Variants in SMAP1 observed in about 807,000 individuals in gnomAD.
SMAP1 encodes stromal membrane-associated protein 1.
A neutral mutation model predicts 58.5 loss-of-function variants in SMAP1; 24 were observed. That is an observed-to-expected ratio of 0.41 (90% CI 0.30 to 0.58). The LOEUF is 0.58. Ranked by LOEUF, SMAP1 falls within the 20% of genes least tolerant of loss-of-function variation. The pLI is 0.29. For synonymous variants in SMAP1, 216 were observed against 196.6 expected, an observed-to-expected ratio of 1.10 and a Z score of -0.82; for missense variants, 563 against 566.3, an observed-to-expected ratio of 0.99 and a Z score of 0.06.
At chr6:70,686,178 G>GTT (rs200333352) in intron 1 of SMAP1, among the ~76,000 whole-genome samples, 4 of 151,920 alleles carry the variant, frequency 2.6e-5, no homozygotes, top group Non-Finnish European at 4.4e-5. Flanking sequence ...CTCAGAGTCT[G>GTT]TTTTTTTTAC....
In SMAP1 at chr6:70,763,829, C is replaced by G. The variant is rs76778700; in HGVS notation, c.338+8764C>G. 2.9e-3 allele frequency among the ~76,000 whole-genome samples: 440 copies of G among 152,308 alleles called. 2 individuals carry two copies. Among genetic ancestry groups the G allele is most frequent in the African/African-American group, 0.01 (426 of 41,570 alleles). ...CCTAATCCTTAACAAAGCTTTAACTCTTCAGTTCTGTGAAGGCTGAGAGTG... is the reference window on the plus strand; with the variant it reads ...CCTAATCCTTAACAAAGCTTTAACTGTTCAGTTCTGTGAAGGCTGAGAGTG... On this transcript the variant is annotated intron_variant, in intron 3 of 10. Transcript: ENST00000370455.
intron 6 of SMAP1, among the ~76,000 whole-genome samples, chr6:70,833,962 G>A (rs1259125400): frequency 6.6e-6 from 1 of 152,180 alleles, no homozygotes; most frequent in Non-Finnish European, 1.5e-5. Flanking sequence ...TATGAAAATG[G>A]TTGATGACTA....
intron 3 of SMAP1, among the ~76,000 whole-genome samples, chr6:70,767,592 T>C (rs569823799): frequency 9.8e-4 from 148 of 150,956 alleles, no homozygotes; most frequent in African/African-American, 3.5e-3. Context: ...TTTTTGTACA[T>C]TGATTTTGTA....
At position 70,852,673 on chromosome 6, in the gene SMAP1, T is replaced by G; in HGVS notation, c.789+9T>G. On this transcript the variant is annotated intron_variant, in intron 8 of 10. Transcript: ENST00000370455. Reference sequence around the variant, plus strand: ...TCATGCCCCCAGCTCAGGTATGTGATAAGAATATGGTTTTATATGGTCACT... The same window carrying G: ...TCATGCCCCCAGCTCAGGTATGTGAGAAGAATATGGTTTTATATGGTCACT... 2 of 1,583,162 alleles carry G rather than the reference T, an allele frequency of 1.3e-6. No homozygotes were observed. The highest frequency in any genetic ancestry group is 8.6e-7 in the Non-Finnish European group (1 of 1,167,760).
intron 5 of SMAP1, 86 bp downstream of exon 5, chr6:70,791,855 T>A: frequency 9.2e-7 from 1 of 1,081,118 alleles, no homozygotes; most frequent in Non-Finnish European, 1.3e-6. Context: ...GGGAACACTA[T>A]AATAGTTGTT....
chr6:70,755,014 T>A lies in SMAP1; in HGVS notation c.287T>A (p.Leu96Gln). The A allele has an allele frequency of 1.9e-6, 3 of 1,610,610 alleles. No homozygotes were observed. The highest frequency in any genetic ancestry group is 2.5e-6 in the Non-Finnish European group (3 of 1,177,554). ...GATATGGGAAATACTAAAGCAAGAC[T>A]ACTCTATGAAGCCAATCTTCCAGAG... ...MQDMGNTKAR[L>Q]LYEANLPENF... Residue 96 changes from leucine (L) to glutamine (Q), a missense_variant, in exon 3 of 11, where the codon CTA (leucine) becomes CAA (glutamine). Leu to Gln is a moderately radical substitution (Grantham distance 113). This residue lies in a region of SMAP1 where 494 missense variants were observed against 473.8 expected (regional missense o/e 1.04). Transcript: ENST00000370455.
At chr6:70,764,304 G>A (rs1361328746) in intron 3 of SMAP1, among the ~76,000 whole-genome samples, 1 of 152,130 alleles carries the variant, frequency 6.6e-6, no homozygotes, top group Non-Finnish European at 1.5e-5. Context: ...TAAGATAATT[G>A]ATGAAGGTGA....
In SMAP1 at chr6:70,694,943, A is replaced by G. The variant is rs146092310; in HGVS notation, c.118+26802A>G. 2.3e-4 allele frequency among the ~76,000 whole-genome samples: 35 copies of G among 152,226 alleles called. No individual in the cohort carries two copies. The East Asian group carries it at 6.8e-3, about 29-fold the overall frequency. On this transcript the variant is annotated intron_variant, in intron 1 of 10. Transcript: ENST00000370455. ...CTTTCAATCCATGAACATGGAATAT[A>G]TTTCCGTTTTTTTGTGCGTCTTTTT...
At chr6:70,709,612 G>A (rs1767972583) in intron 1 of SMAP1, among the ~76,000 whole-genome samples, 1 of 152,134 alleles carries the variant, frequency 6.6e-6, no homozygotes, top group South Asian at 2.1e-4. Context: ...GTGAGCCACT[G>A]CACCCATCCT....
chr6:70,710,916 A>G (rs1038955024), intron 1 of SMAP1, among the ~76,000 whole-genome samples: 1 of 152,050 alleles, frequency 6.6e-6, no homozygotes, highest in Non-Finnish European at 1.5e-5. Context: ...CACCCATATT[A>G]GCCTAGGACT....
At chr6:70,803,492 C>T (rs984388749) in intron 6 of SMAP1, among the ~76,000 whole-genome samples, 5 of 152,016 alleles carry the variant, frequency 3.3e-5, no homozygotes, top group African/African-American at 1.2e-4. Flanking sequence ...GTCTCTATTT[C>T]CTTCAGTTCT....
At position 70,860,954 on chromosome 6, in the gene SMAP1, CTT is replaced by C. The variant is rs766496843; in HGVS notation, c.*621_*622del. The C allele has an allele frequency of 2.8e-6, 1 of 356,352 alleles. No homozygotes were observed. Among genetic ancestry groups the C allele is most frequent in the Non-Finnish European group, 5.0e-6 (1 of 199,108 alleles). 22.1% of individuals were successfully genotyped at this position (356,352 alleles called of 1,614,324 possible). On this transcript the variant is annotated 3_prime_UTR_variant, in exon 11 of 11. Transcript: ENST00000370455. Reference sequence around the variant, plus strand: ...AAGAATTCAAATTTTATCTGCCTCTCTTGTAATTTGGATCTCTTCTTAATGTA... The same window carrying C: ...AAGAATTCAAATTTTATCTGCCTCTCGTAATTTGGATCTCTTCTTAATGTA...
chr6:70,742,642 C>T (rs1765864019), intron 2 of SMAP1, among the ~76,000 whole-genome samples: 1 of 152,202 alleles, frequency 6.6e-6, no homozygotes, highest in Non-Finnish European at 1.5e-5. Context: ...AAAGTCACTT[C>T]CACATTTTTG....
In SMAP1 at chr6:70,817,192, A is replaced by G. The variant is rs1769675124; in HGVS notation, c.576+18455A>G. On this transcript the variant is annotated intron_variant, in intron 6 of 10. Coordinates refer to ENST00000370455, the MANE Select transcript of SMAP1 (RefSeq NM_001044305.3). ...TAACTACTAACCCTGCTCAAGCCGCACATTATTATTCTACTGAATAGATAT... is the reference window on the plus strand; with the variant it reads ...TAACTACTAACCCTGCTCAAGCCGCGCATTATTATTCTACTGAATAGATAT... Among the ~76,000 whole-genome samples, 2 of 151,414 alleles carry G rather than the reference A, an allele frequency of 1.3e-5. 1 individual carries two copies. The highest frequency in any genetic ancestry group is 4.2e-4 in the South Asian group (2 of 4,810).
At chr6:70,788,960 T>C (rs954232411) in intron 4 of SMAP1, among the ~76,000 whole-genome samples, 1 of 152,162 alleles carries the variant, frequency 6.6e-6, no homozygotes, top group African/African-American at 2.4e-5. Context: ...AAGATGGATA[T>C]TGATGATTTC....
intron 5 of SMAP1, among the ~76,000 whole-genome samples, chr6:70,795,746 T>G (rs1473916439): frequency 2.0e-5 from 3 of 151,996 alleles, no homozygotes; most frequent in Non-Finnish European, 4.4e-5. Context: ...TTTTTCTTTT[T>G]TTTTTTTTGA....
intron 6 of SMAP1, among the ~76,000 whole-genome samples, chr6:70,824,607 G>A (rs1770035968): frequency 6.6e-6 from 1 of 151,958 alleles, no homozygotes; most frequent in Non-Finnish European, 1.5e-5. Context: ...GCAAACATAA[G>A]AGCATTTAAC....
chr6:70,708,750 A>G (rs1026186797), intron 1 of SMAP1, among the ~76,000 whole-genome samples: 6 of 152,120 alleles, frequency 3.9e-5, no homozygotes, highest in Admixed American at 3.9e-4. Flanking sequence ...TGTATTGGCT[A>G]TTTTTATGCC....
In SMAP1 at chr6:70,809,184, AG is replaced by A. The variant is rs563796460; in HGVS notation, c.576+10448del. Among the ~76,000 whole-genome samples the A allele has an allele frequency of 7.2e-5, 11 of 152,334 alleles. 1 individual carries two copies. The South Asian group carries it at 2.3e-3, about 32-fold the overall frequency. Reference sequence around the variant, plus strand: ...AAAGTGGAGAAGCAGTGACGCTATAAGAGAAGACCACTGCTTTTGATAATAC... The same window carrying A: ...AAAGTGGAGAAGCAGTGACGCTATAAAGAAGACCACTGCTTTTGATAATAC... On this transcript the variant is annotated intron_variant, in intron 6 of 10. Coordinates refer to ENST00000370455, the MANE Select transcript of SMAP1 (RefSeq NM_001044305.3).
Sources: allele counts gnomAD v4.1 joint callset (sites outside exome capture counted in the v4.1 genomes callset), GRCh38; gene constraint gnomAD v4.1.1; regional missense constraint gnomAD v4.1.1; transcripts MANE v1.5; gene names NCBI Gene and HGNC (gene_info 2026-07-23, HGNC 2026-07-21).